PLEKHM3: variants seen among roughly 807,000 people sequenced by gnomAD.
The protein encoded by PLEKHM3 is pleckstrin homology domain containing M3.
Under a neutral mutation model 81.8 loss-of-function variants are expected in PLEKHM3, and 45 were observed. The ratio of observed to expected loss-of-function variants is 0.55; its 90% CI spans 0.43 to 0.71. PLEKHM3 has a LOEUF of 0.71. PLEKHM3 is among the 30% of genes least tolerant of loss of function. The pLI is 0.00. For missense variants in PLEKHM3, 788 were observed against 924.3 expected, an observed-to-expected ratio of 0.85 and a Z score of 1.91; for synonymous variants, 352 against 356.4, an observed-to-expected ratio of 0.99 and a Z score of 0.14.
intron 5 of PLEKHM3, among the ~76,000 whole-genome samples, chr2:207,913,004 C>A (rs970267103): frequency 6.6e-6 from 1 of 152,146 alleles, no homozygotes; most frequent in African/African-American, 2.4e-5. Context: ...CTTTCCTCTG[C>A]TGTGGCTGAG....
Position 207,976,853 on chromosome 2 carries a change from C to T in PLEKHM3, c.1344G>A (p.Met448Ile). 6.2e-7 allele frequency: 1 copy of T among 1,614,214 alleles called. No individual in the cohort carries two copies. The highest frequency in any genetic ancestry group is 8.5e-7 in the Non-Finnish European group (1 of 1,180,046). ...CATTGGCAGCTATCTTCAGAGCCTCCATCCATTCCTGAGCCCTCTGTCGGG... is the reference window on the plus strand; with the variant it reads ...CATTGGCAGCTATCTTCAGAGCCTCTATCCATTCCTGAGCCCTCTGTCGGG... Reference protein sequence around the residue: ...AETRQRAQEWMEALKIAANVA... With the variant: ...AETRQRAQEWIEALKIAANVA... The change falls in exon 3 of 8, where the codon ATG becomes ATA. Residue 448 changes from methionine to isoleucine, a missense_variant. Physicochemically the swap from Met to Ile is conservative, Grantham distance 10. Coordinates refer to ENST00000427836, the MANE Select transcript of PLEKHM3 (RefSeq NM_001080475.3). The surrounding 1 kb of genome is among the most constrained non-coding windows in gnomAD (Gnocchi z 4.1).
chr2:207,963,847 T>C (rs1364121816), intron 3 of PLEKHM3, among the ~76,000 whole-genome samples: 1 of 152,130 alleles, frequency 6.6e-6, no homozygotes, highest in Non-Finnish European at 1.5e-5. Flanking sequence ...TGAACATATA[T>C]AGAAGAAATA....
intron 6 of PLEKHM3, among the ~76,000 whole-genome samples, chr2:207,864,524 G>A (rs560997669): frequency 5.4e-4 from 82 of 152,302 alleles, no homozygotes; most frequent in Middle Eastern, 3.4e-3. Flanking sequence ...CATTTAGGGG[G>A]AAACAACCAG....
chr2:207,963,560 A>G (rs1385548950), intron 3 of PLEKHM3, among the ~76,000 whole-genome samples: 3 of 152,240 alleles, frequency 2.0e-5, no homozygotes, highest in African/African-American at 7.2e-5. Flanking sequence ...TTGGTGAAAG[A>G]TGACCCAGCA....
chr2:207,985,920 G>A (rs1691702153), intron 2 of PLEKHM3, among the ~76,000 whole-genome samples: 1 of 151,354 alleles, frequency 6.6e-6, no homozygotes, highest in African/African-American at 2.4e-5. Flanking sequence ...CCTGGGAGGT[G>A]GAGCTTGCAG....
At chr2:207,848,303 G>A (rs7584910) in intron 7 of PLEKHM3, among the ~76,000 whole-genome samples, 93,694 of 152,068 alleles carry the variant, frequency 0.62, 30,000 homozygotes, top group African/African-American at 0.77. Flanking sequence ...ACAAACTACA[G>A]CTGGTTCCTC....
At chr2:207,977,670 A>G (rs2044971) in intron 2 of PLEKHM3, 84 bp from the exon 3 acceptor site, 850,753 of 1,228,444 alleles carry the variant, frequency 0.69, 299,686 homozygotes, top group Non-Finnish European at 0.73. Flanking sequence ...TCAGGGCACA[A>G]GAAACCACAC....
chr2:207,955,759 G>A (rs772016089), intron 3 of PLEKHM3, among the ~76,000 whole-genome samples: 1 of 150,506 alleles, frequency 6.6e-6, no homozygotes, highest in Non-Finnish European at 1.5e-5. Flanking sequence ...GTCCCCTGCA[G>A]ATGACAAAAC....
chr2:207,902,079 C>T (rs1688449200), intron 6 of PLEKHM3, among the ~76,000 whole-genome samples: 1 of 152,182 alleles, frequency 6.6e-6, no homozygotes, highest in Admixed American at 6.5e-5. Flanking sequence ...ATACAAGTTC[C>T]TTGGGCTCCT....
intron 2 of PLEKHM3, among the ~76,000 whole-genome samples, chr2:207,993,882 TAG>T (rs1278254373): frequency 1.3e-5 from 2 of 152,192 alleles, no homozygotes; most frequent in African/African-American, 2.4e-5. Flanking sequence ...CACCCAGAAG[TAG>T]AGTTACAAGA....
intron 6 of PLEKHM3, among the ~76,000 whole-genome samples, chr2:207,899,509 T>C (rs970943771): frequency 1.3e-5 from 2 of 152,058 alleles, no homozygotes; most frequent in Admixed American, 6.6e-5. Flanking sequence ...TTAATAAATA[T>C]TTGCTGAATG....
intron 7 of PLEKHM3, among the ~76,000 whole-genome samples, chr2:207,832,437 T>TA (rs1392617938): frequency 6.6e-6 from 1 of 152,312 alleles, no homozygotes; most frequent in African/African-American, 2.4e-5. Flanking sequence ...ATATTTACAT[T>TA]AAAAAATGTA....
chr2:207,833,976 G>A (rs993169868), intron 7 of PLEKHM3, among the ~76,000 whole-genome samples: 1 of 152,102 alleles, frequency 6.6e-6, no homozygotes, highest in African/African-American at 2.4e-5. Flanking sequence ...ATATTAACCA[G>A]TGATTTCTGT....
chr2:207,901,238 T>C (rs1456567213), intron 6 of PLEKHM3: 2 of 702,846 alleles, frequency 2.8e-6, no homozygotes, highest in African/African-American at 1.7e-5. Flanking sequence ...TGCTGCCACA[T>C]CCCGTGCCGA....
intron 1 of PLEKHM3, among the ~76,000 whole-genome samples, chr2:208,020,156 C>T (rs1693078122): frequency 6.6e-6 from 1 of 152,172 alleles, no homozygotes; most frequent in South Asian, 2.1e-4. Context: ...CGTAAGTATT[C>T]ACAGGTAAAC....
intron 7 of PLEKHM3, among the ~76,000 whole-genome samples, chr2:207,856,789 T>C (rs1320937678): frequency 1.3e-5 from 2 of 152,236 alleles, no homozygotes; most frequent in African/African-American, 4.8e-5. Flanking sequence ...TGCTTTTGTG[T>C]GGATATGTTA....
At chr2:207,870,249 A>G (rs1245030519) in intron 6 of PLEKHM3, among the ~76,000 whole-genome samples, 1 of 152,220 alleles carries the variant, frequency 6.6e-6, no homozygotes, top group Admixed American at 6.5e-5. Context: ...CCTGGGCAAG[A>G]AAAAAGAGAG....
At chr2:207,935,250 A>G (rs1001083930) in intron 4 of PLEKHM3, among the ~76,000 whole-genome samples, 28 of 152,184 alleles carry the variant, frequency 1.8e-4, no homozygotes, top group South Asian at 2.1e-4. Context: ...TTTGCATATT[A>G]AAACTGAGAC....
intron 5 of PLEKHM3, among the ~76,000 whole-genome samples, chr2:207,915,734 G>A (rs113304376): frequency 9.2e-5 from 14 of 152,278 alleles, no homozygotes; most frequent in African/African-American, 3.1e-4. Flanking sequence ...AATGATAAGG[G>A]TCTAAATAAA....
Sources: gnomAD v4.1 joint callset for allele counts (sites outside exome capture counted in the v4.1 genomes callset) on GRCh38, gnomAD v4.1.1 for gene constraint, Gnocchi (gnomAD v3.1) non-coding constraint, MANE v1.5 for transcripts, NCBI Gene and HGNC (gene_info 2026-07-23, HGNC 2026-07-21) for gene names.